Variants in MRC1 observed in about 807,000 individuals in gnomAD.
The protein encoded by MRC1 is mannose receptor C-type 1.
MRC1 carries 62 observed loss-of-function variants against 102.9 expected under a neutral mutation model. That is an observed-to-expected ratio of 0.60 (90% CI 0.49 to 0.74). The LOEUF is 0.74. Among genes scored for constraint, MRC1 ranks in the 30% least tolerant of loss-of-function variants. The pLI is 0.00. For synonymous variants in MRC1, 457 were observed against 298.4 expected, an observed-to-expected ratio of 1.53 and a Z score of -5.48; for missense variants, 1,237 against 862.8, an observed-to-expected ratio of 1.43 and a Z score of -5.43.
At chr10:17,892,567 G>C (rs1833694729) in intron 22 of MRC1, among the ~76,000 whole-genome samples, 1 of 152,182 alleles carries the variant, frequency 6.6e-6, no homozygotes, top group Admixed American at 6.5e-5. Flanking sequence ...GGTTGGGAGT[G>C]ACAACTTCCA....
Position 17,909,531 on chromosome 10 carries a change from G to C in MRC1, c.4120+184G>C, listed in dbSNP as rs555117354. Among the ~76,000 whole-genome samples the C allele has an allele frequency of 2.0e-5, 3 of 151,856 alleles. No homozygotes were observed. The East Asian group carries it at 5.8e-4, about 29-fold the overall frequency. On this transcript the variant is annotated intron_variant, in intron 29 of 29. Transcript: ENST00000569591. ...TTAGAAAAAGAGGCCTTGGAGTCAG[G>C]TTGGTGTTTTTACTATAAGCAGTTA...
At chr10:17,897,315 G>A (rs1833769088) in intron 23 of MRC1, among the ~76,000 whole-genome samples, 1 of 152,250 alleles carries the variant, frequency 6.6e-6, no homozygotes, top group Admixed American at 6.5e-5. Flanking sequence ...GGGGCACAAT[G>A]CAGTGATTAG....
chr10:17,844,053 T>C (rs1241926100), intron 5 of MRC1, among the ~76,000 whole-genome samples: 1 of 152,192 alleles, frequency 6.6e-6, no homozygotes, highest in Non-Finnish European at 1.5e-5. Flanking sequence ...TTTAGCAACG[T>C]TGACTTTATC....
intron 2 of MRC1, among the ~76,000 whole-genome samples, chr10:17,827,007 T>G (rs1050029277): frequency 1.1e-3 from 173 of 152,276 alleles, no homozygotes; most frequent in Middle Eastern, 3.4e-3. Context: ...TTTAAGGTTT[T>G]TTTTAATCTA....
intron 24 of MRC1, among the ~76,000 whole-genome samples, chr10:17,898,561 G>A (rs887631466): frequency 5.9e-5 from 9 of 152,098 alleles, no homozygotes; most frequent in African/African-American, 1.7e-4. Context: ...TAATTTATTC[G>A]CTTATTGCTT....
At chr10:17,879,942 A>G in intron 19 of MRC1, 121 bp downstream of exon 19, 1 of 758,840 alleles carries the variant, frequency 1.3e-6, no homozygotes, top group Non-Finnish European at 2.5e-6. Flanking sequence ...AGAATAAAGG[A>G]GAATTCTAAT....
intron 4 of MRC1, among the ~76,000 whole-genome samples, chr10:17,835,095 G>C (rs1838643132): frequency 6.6e-6 from 1 of 152,174 alleles, no homozygotes; most frequent in Non-Finnish European, 1.5e-5. Flanking sequence ...CACAACAAAA[G>C]AAAAGTCAGT....
chr10:17,906,849 TG>T, intron 26 of MRC1, 36 bp from the exon 27 acceptor site: 1 of 780,578 alleles, frequency 1.3e-6, no homozygotes, highest in Non-Finnish European at 2.4e-6. Context: ...GCTACTTAAA[TG>T]TGCAGCTATC....
At chr10:17,824,774 G>C (rs943448434) in intron 2 of MRC1, among the ~76,000 whole-genome samples, 1 of 152,082 alleles carries the variant, frequency 6.6e-6, no homozygotes, top group Non-Finnish European at 1.5e-5. Flanking sequence ...GAAGATTGGC[G>C]CTAAGAAATC....
intron 7 of MRC1, among the ~76,000 whole-genome samples, chr10:17,852,592 C>T (rs1838933258): frequency 6.6e-6 from 1 of 152,124 alleles, no homozygotes; most frequent in African/African-American, 2.4e-5. Context: ...AACATGAGTG[C>T]AGTTGGCATG....
At chr10:17,845,092 C>G in intron 5 of MRC1, 197 bp from the exon 6 acceptor site, 1 of 775,700 alleles carries the variant, frequency 1.3e-6, no homozygotes, top group Non-Finnish European at 2.4e-6. Context: ...TTGGAATGAT[C>G]CAACGATAAG....
chr10:17,872,218 C>CA, intron 15 of MRC1, 92 bp downstream of exon 15: 2 of 775,514 alleles, frequency 2.6e-6, no homozygotes, highest in Admixed American at 1.7e-5. Flanking sequence ...AGCAAACAAA[C>CA]AAAATAACAA....
Position 17,823,628 on chromosome 10 carries a change from T to G in MRC1, c.463+153T>G, listed in dbSNP as rs556298702. Among the ~76,000 whole-genome samples, 25 of 152,354 alleles carry G rather than the reference T, an allele frequency of 1.6e-4. No homozygotes were observed. The East Asian group carries it at 4.4e-3, about 27-fold the overall frequency. ...TGTTTTCAACTATTCTGTAGGACTATTCTGAGGACATGATGGTGAATAAAT... is the reference window on the plus strand; with the variant it reads ...TGTTTTCAACTATTCTGTAGGACTAGTCTGAGGACATGATGGTGAATAAAT... On this transcript the variant is annotated intron_variant, in intron 2 of 29. Coordinates refer to ENST00000569591, the MANE Select transcript of MRC1 (RefSeq NM_002438.4).
chr10:17,827,765 T>C, intron 3 of MRC1, 50 bp downstream of exon 3: 1 of 778,770 alleles, frequency 1.3e-6, no homozygotes, highest in Admixed American at 1.7e-5. Flanking sequence ...AGTCTGATAA[T>C]GTAGTGAAAG....
chr10:17,901,913 A>G, intron 25 of MRC1, 60 bp from the exon 26 acceptor site: 2 of 780,818 alleles, frequency 2.6e-6, no homozygotes, highest in South Asian at 1.3e-5. Flanking sequence ...CTAATGTATG[A>G]TGCTACACAC....
intron 22 of MRC1, among the ~76,000 whole-genome samples, chr10:17,886,732 A>G (rs2130699725): frequency 6.6e-6 from 1 of 152,274 alleles, no homozygotes; most frequent in East Asian, 1.9e-4. Context: ...TTAAAACATA[A>G]TAATTAGGGG....
At chr10:17,900,581 C>T (rs1346616656) in intron 24 of MRC1, among the ~76,000 whole-genome samples, 1 of 152,032 alleles carries the variant, frequency 6.6e-6, no homozygotes, top group Non-Finnish European at 1.5e-5. Context: ...TCCTGGGGAT[C>T]TCTAAGAAAT....
At chr10:17,872,281 A>C (rs1833365070) in intron 15 of MRC1, among the ~76,000 whole-genome samples, 155 bp downstream of exon 15, 1 of 152,148 alleles carries the variant, frequency 6.6e-6, no homozygotes, top group Non-Finnish European at 1.5e-5. Context: ...TGAAGTTGAT[A>C]AGCACAGATA....
chr10:17,895,344 A>G (rs1455366618), intron 23 of MRC1, among the ~76,000 whole-genome samples: 3 of 152,066 alleles, frequency 2.0e-5, no homozygotes, highest in Admixed American at 6.6e-5. Flanking sequence ...TGTTTTCTAT[A>G]CTTAATTCAT....
Sources: allele counts gnomAD v4.1 joint callset (sites outside exome capture counted in the v4.1 genomes callset), GRCh38; gene constraint gnomAD v4.1.1; transcripts MANE v1.5; gene names NCBI Gene and HGNC (gene_info 2026-07-23, HGNC 2026-07-21).